Variants in RAD50 observed in about 807,000 individuals in gnomAD.
The protein encoded by RAD50 is DNA repair protein RAD50.
In RAD50, 132 loss-of-function variants were observed where a neutral mutation model predicts 168.8. That is an observed-to-expected ratio of 0.78 (90% CI 0.68 to 0.90). The LOEUF (loss-of-function observed/expected upper bound fraction) is 0.90, where lower values mean the gene tolerates loss of function less well. RAD50 is among the 40% of genes least tolerant of loss of function. RAD50 has a pLI of 0.00. For synonymous variants in RAD50, 525 were observed against 497.4 expected, an observed-to-expected ratio of 1.06 and a Z score of -0.74; for missense variants, 1,347 against 1,534.4, an observed-to-expected ratio of 0.88 and a Z score of 2.04.
chr5:132,565,380 G>C (rs139385095), intron 2 of RAD50, among the ~76,000 whole-genome samples: 242 of 152,108 alleles, frequency 1.6e-3, no homozygotes, highest in African/African-American at 5.5e-3. Flanking sequence ...TGTAATCAAT[G>C]TCTCATCGTT....
intron 19 of RAD50, among the ~76,000 whole-genome samples, chr5:132,612,269 C>T (rs995852054): frequency 2.0e-5 from 3 of 152,114 alleles, no homozygotes; most frequent in East Asian, 1.9e-4. Flanking sequence ...ACATAATGTA[C>T]GATTCCACTT....
At chr5:132,592,827 G>C in intron 11 of RAD50, 1 of 470,962 alleles carries the variant, frequency 2.1e-6, no homozygotes, top group Non-Finnish European at 4.4e-6. Context: ...AATGCTTTAG[G>C]AACTTGATCC....
At chr5:132,575,675 T>C in intron 2 of RAD50, 102 bp from the exon 3 acceptor site, 1 of 1,130,048 alleles carries the variant, frequency 8.8e-7, no homozygotes, top group African/African-American at 1.5e-5. Flanking sequence ...TGTTTTTCTT[T>C]TTGTTCCCTC....
At chr5:132,578,524 CTTTTTTTTTTTTTT>C (rs903882684) in intron 3 of RAD50, among the ~76,000 whole-genome samples, 5 of 84,342 alleles carry the variant, frequency 5.9e-5, no homozygotes, top group African/African-American at 2.0e-4. Context: ...TTTTTTCTTT[CTTTTTTTTTTTTTT>C]TTTTTTTTTT....
intron 5 of RAD50, among the ~76,000 whole-genome samples, chr5:132,586,636 T>C (rs1750599892): frequency 2.0e-5 from 3 of 152,222 alleles, no homozygotes; most frequent in African/African-American, 7.2e-5. Flanking sequence ...AAGTCGAGGA[T>C]GCATTTTGGT....
Position 132,642,611 on chromosome 5 carries a change from G to A in RAD50, c.*247G>A. The A allele has an allele frequency of 3.6e-6, 2 of 550,292 alleles. No individual in the cohort carries two copies. The highest frequency in any genetic ancestry group is 6.5e-6 in the Non-Finnish European group (2 of 309,326). 34.1% of individuals were successfully genotyped at this position (550,292 alleles called of 1,614,324 possible). On this transcript the variant is annotated 3_prime_UTR_variant, in exon 25 of 25. Transcript: ENST00000378823. ...AGGCAGCCTCTGTCAGGCCTTCAGG[G>A]TTCAGCAGTACAGCCGAGACTCGAC...
intron 7 of RAD50, 117 bp downstream of exon 7, chr5:132,588,206 C>T (rs1750631499): frequency 1.7e-6 from 2 of 1,176,086 alleles, no homozygotes; most frequent in Non-Finnish European, 2.4e-6. Context: ...AAAGGCTATA[C>T]ACAGTATGTT....
rs1277596729 is a variant in RAD50, at chr5:132,557,332, G to T, written c.8G>T (p.Arg3Leu). The change falls in exon 1 of 25, where the codon CGG becomes CTG. Residue 3 changes from arginine to leucine, a missense_variant. By Grantham distance (102) the Arg-to-Leu change is moderately radical. This residue lies in a region of RAD50 where 703 missense variants were observed against 767.7 expected (regional missense o/e 0.92). Transcript: ENST00000378823. ...TTAGAAACGTTTGCAAACATGTCCC[G>T]GATCGAAAAGATGAGCATTCTGGGC... MSRIEKMSILGVR... is the reference protein window; with the variant it reads MSLIEKMSILGVR... The T allele has an allele frequency of 3.7e-6, 6 of 1,614,134 alleles. No individual in the cohort carries two copies. The highest frequency in any genetic ancestry group is 4.2e-6 in the Non-Finnish European group (5 of 1,179,960).
intron 13 of RAD50, among the ~76,000 whole-genome samples, chr5:132,600,921 G>T (rs1467311946): frequency 1.3e-5 from 2 of 151,960 alleles, no homozygotes; most frequent in Admixed American, 1.3e-4. Flanking sequence ...CCCCATAAAT[G>T]TTTGCAATTA....
At chr5:132,596,804 G>A (rs954347448) in intron 13 of RAD50, among the ~76,000 whole-genome samples, 1 of 152,228 alleles carries the variant, frequency 6.6e-6, no homozygotes, top group Non-Finnish European at 1.5e-5. Flanking sequence ...GGTAAGAAGG[G>A]AGGAGCCAAT....
In RAD50 at chr5:132,579,896, C is replaced by T. The variant is rs769853458; in HGVS notation, c.586C>T (p.Arg196Cys). ...IKALETLRQVRQTQGQKVKEY... is the reference protein window; with the variant it reads ...IKALETLRQVCQTQGQKVKEY... ...AGCCTTAGAAACACTTCGGCAGGTA[C>T]GTCAGACACAAGGTCAGAAAGTAAA... Residue 196 changes from arginine to cysteine, a missense_variant, in exon 5 of 25, where the codon CGT (arginine) becomes TGT (cysteine). Around this residue, in one of 3 missense-constraint regions of RAD50, gnomAD observed 703 missense variants for 767.7 expected, o/e 0.92. Coordinates refer to ENST00000378823, the MANE Select transcript of RAD50 (RefSeq NM_005732.4). 21 of 1,612,570 alleles carry T rather than the reference C, an allele frequency of 1.3e-5. No homozygotes were observed. The Middle Eastern group carries it at 6.6e-4, about 51-fold the overall frequency.
At chr5:132,583,639 C>T (rs58466915) in intron 5 of RAD50, among the ~76,000 whole-genome samples, 14 of 149,022 alleles carry the variant, frequency 9.4e-5, no homozygotes, top group African/African-American at 3.5e-4. Context: ...AGTATGCAGA[C>T]TTTTGTGTCT....
intron 18 of RAD50, 32 bp from the exon 19 acceptor site, chr5:132,609,251 T>G (rs1235668347): frequency 4.4e-6 from 7 of 1,607,678 alleles, no homozygotes; most frequent in Non-Finnish European, 5.9e-6. Context: ...TGTATTTTTA[T>G]TCATGTGCTT....
At chr5:132,592,482 G>A (rs1452779227) in intron 11 of RAD50, among the ~76,000 whole-genome samples, 4 of 152,200 alleles carry the variant, frequency 2.6e-5, no homozygotes, top group African/African-American at 9.7e-5. Context: ...GCCCTTGTTT[G>A]ATGAGAGGAA....
At chr5:132,575,748 A>G (rs199867523) in intron 2 of RAD50, 29 bp from the exon 3 acceptor site, 47 of 1,559,062 alleles carry the variant, frequency 3.0e-5, no homozygotes, top group Admixed American at 1.3e-4. Context: ...TTAAAGTAAC[A>G]TAAGTTTTTT....
At chr5:132,580,442 A>G (rs1750485488) in intron 5 of RAD50, among the ~76,000 whole-genome samples, 1 of 152,202 alleles carries the variant, frequency 6.6e-6, no homozygotes, top group African/African-American at 2.4e-5. Flanking sequence ...TTTGAAAGAA[A>G]ACAAATTTGT....
At position 132,587,917 on chromosome 5, in the gene RAD50, T is replaced by TA. The variant is rs1750623098; in HGVS notation, c.886-6dup. Reference sequence around the variant, plus strand: ...ACATTAAAGCTTTTTATTTTGGTGTTACACAGGTTTTTCAAGGGACTGATG... The same window carrying TA: ...ACATTAAAGCTTTTTATTTTGGTGTTAACACAGGTTTTTCAAGGGACTGATG... On this transcript the variant is annotated splice_polypyrimidine_tract_variant and splice_region_variant and intron_variant, in intron 6 of 24. Transcript: ENST00000378823. 6.2e-7 allele frequency: 1 copy of TA among 1,611,864 alleles called. No individual in the cohort carries two copies. The highest frequency in any genetic ancestry group is 8.5e-7 in the Non-Finnish European group (1 of 1,178,366).
rs876658437 is a variant in RAD50 at position 132,594,966 on chromosome 5, G to A, written c.1891G>A (p.Asp631Asn). 1.2e-5 allele frequency: 20 copies of A among 1,612,980 alleles called. No homozygotes were observed. Among genetic ancestry groups the A allele is most frequent in the Non-Finnish European group, 1.7e-5 (20 of 1,178,962 alleles). The change falls in exon 12 of 25, where the codon GAT becomes AAT. Residue 631 changes from aspartate to asparagine, a missense_variant. Transcript: ENST00000378823. ...GTCCAGTTACGAAGACAAGCTGTTTGATGTTTGTGGTAGCCAGGATTTTGA... is the reference window on the plus strand; with the variant it reads ...GTCCAGTTACGAAGACAAGCTGTTTAATGTTTGTGGTAGCCAGGATTTTGA... ...QLSSYEDKLF[D>N]VCGSQDFESD... is the part of the protein sequence containing the mutation.
chr5:132,578,150 A>T (rs1485239353), intron 3 of RAD50, among the ~76,000 whole-genome samples: 1 of 152,098 alleles, frequency 6.6e-6, no homozygotes, highest in East Asian at 1.9e-4. Flanking sequence ...TTCAAAGACA[A>T]CTTAGGTTCA....
Sources: allele counts gnomAD v4.1 joint callset (sites outside exome capture counted in the v4.1 genomes callset), GRCh38; gene constraint gnomAD v4.1.1; regional missense constraint gnomAD v4.1.1; transcripts MANE v1.5; gene names NCBI Gene and HGNC (gene_info 2026-07-23, HGNC 2026-07-21).